The following ASB14 variants were observed in gnomAD, a reference collection of about 807,000 sequenced individuals.
The protein encoded by ASB14 is ankyrin repeat and SOCS box containing 14, also known as ankyrin repeat and SOCS box protein 14.
Under a neutral mutation model 55.6 loss-of-function variants are expected in ASB14, and 63 were observed. The ratio of observed to expected loss-of-function variants is 1.13; its 90% CI spans 0.92 to 1.40. ASB14 has a LOEUF of 1.40. Ranked by LOEUF, ASB14 falls within the 40% of genes most tolerant of loss-of-function variation. The pLI, the probability that ASB14 is intolerant of heterozygous loss-of-function variation, is 0.00. For synonymous variants in ASB14, 256 were observed against 259.9 expected (o/e 0.98, Z 0.15); for missense variants, 724 against 710.4 (o/e 1.02, Z -0.22).
In ASB14 at chr3:57,268,434, A is replaced by G. The variant is rs1403451450; in HGVS notation, c.*1207T>C. 14 of 1,601,520 alleles carry G rather than the reference A, an allele frequency of 8.7e-6. No individual in the cohort carries two copies. The highest frequency in any genetic ancestry group is 1.0e-5 in the Non-Finnish European group (12 of 1,172,828). Reference sequence around the variant, plus strand: ...ATCAGAAAAACAAAAAGAAATAGAGAGAGTAAAAGAGAAGCAACAGAAAGA... The same window carrying G: ...ATCAGAAAAACAAAAAGAAATAGAGGGAGTAAAAGAGAAGCAACAGAAAGA... On this transcript the variant is annotated 3_prime_UTR_variant, in exon 11 of 11. Coordinates refer to ENST00000487349, the MANE Select transcript of ASB14 (RefSeq NM_001142733.3).
intron 2 of ASB14, among the ~76,000 whole-genome samples, chr3:57,291,392 C>A (rs1399055036): frequency 5.4e-5 from 6 of 111,570 alleles, no homozygotes; most frequent in African/African-American, 2.1e-4. Flanking sequence ...ATTCTTCTTA[C>A]ACCCCACACA....
Position 57,278,041 on chromosome 3 carries a change from A to T in ASB14, c.1432-121T>A, listed in dbSNP as rs1313846396. On this transcript the variant is annotated intron_variant, in intron 8 of 10. Transcript: ENST00000487349. ...GCCAAGAGAGAAAAATGTCTCAAAA[A>T]TGGGAAGGGATGGTAGTGGTCAACT... The T allele has an allele frequency of 3.6e-6, 3 of 828,336 alleles. No homozygotes were observed. In the Admixed American group the frequency reaches 8.9e-5, roughly 25 times the overall value. 51.3% of individuals were successfully genotyped at this position (828,336 alleles called of 1,614,324 possible).
chr3:57,284,278 C>T (rs567746762), intron 5 of ASB14, among the ~76,000 whole-genome samples: 1 of 152,178 alleles, frequency 6.6e-6, no homozygotes, highest in South Asian at 2.1e-4. Context: ...AGGCATATGC[C>T]ACCATGCCTG....
In ASB14 at chr3:57,269,273, T is replaced by G; in HGVS notation, c.*368A>C. On this transcript the variant is annotated 3_prime_UTR_variant, in exon 11 of 11. Transcript: ENST00000487349. ...ACTATAATATATAGTGAGAGATGAT[T>G]GATGATGGGCTTTATTTGGTTGTTG... is the stretch of plus-strand genomic sequence containing the variant. 1 of 338,502 alleles carries G rather than the reference T, an allele frequency of 3.0e-6. No homozygotes were observed. The highest frequency in any genetic ancestry group is 5.4e-6 in the Non-Finnish European group (1 of 184,788). The allele number at this position is 338,502 out of a possible 1,614,324, so 21.0% of individuals were successfully genotyped here. A position where few individuals can be genotyped will look rare whatever the true frequency, so the allele number is the denominator to read the frequency against.
At position 57,291,969 on chromosome 3, in the gene ASB14, T is replaced by C. The variant is rs987646152; in HGVS notation, c.65A>G (p.Gln22Arg). The part of the protein sequence containing the change: ...EDFDTQLIIQ[Q>R]SLQDIYKPGT... ...TGGCTTATAAATATCCTGCAAACTCTGTTGAATGATGAGCTGGGTGTCAAA... is the reference window on the plus strand; with the variant it reads ...TGGCTTATAAATATCCTGCAAACTCCGTTGAATGATGAGCTGGGTGTCAAA... The change falls in exon 2 of 11, where the codon CAG becomes CGG. Residue 22 changes from glutamine (Q) to arginine (R), a missense_variant. Physicochemically the swap from Gln to Arg is conservative, Grantham distance 43. Transcript: ENST00000487349. The C allele has an allele frequency of 3.9e-6, 6 of 1,536,040 alleles. No individual in the cohort carries two copies. Among genetic ancestry groups the C allele is most frequent in the Non-Finnish European group, 5.2e-6 (6 of 1,145,766 alleles).
intron 2 of ASB14, among the ~76,000 whole-genome samples, chr3:57,291,414 G>C (rs2061127173): frequency 6.6e-6 from 1 of 152,016 alleles, no homozygotes; most frequent in African/African-American, 2.4e-5. Context: ...GGTCCCACTG[G>C]TCCTTTTTCA....
At chr3:57,290,000 G>C (rs187350000) in intron 2 of ASB14, among the ~76,000 whole-genome samples, 168 of 151,940 alleles carry the variant, frequency 1.1e-3, no homozygotes, top group African/African-American at 3.8e-3. Flanking sequence ...AAATTCCCTC[G>C]GACACTCTGT....
chr3:57,277,815 C>T lies in ASB14; in HGVS notation c.1537G>A (p.Ala513Thr), dbSNP rs2061002281. 6.2e-7 allele frequency: 1 copy of T among 1,613,548 alleles called. No individual in the cohort carries two copies. Among genetic ancestry groups the T allele is most frequent in the East Asian group, 2.2e-5 (1 of 44,852 alleles). ...DQVRICSKLK[A>T]VLQKQGIWSE... ...CAGATCCCCTGTTTTTGGAGCACAG[C>T]TTTCAACTTTGAACAGATCCGAACT... Residue 513 changes from alanine (A) to threonine (T), a missense_variant, in exon 9 of 11, where the codon GCT (alanine) becomes ACT (threonine). Transcript: ENST00000487349.
At chr3:57,287,842 TG>T (rs1176435000) in intron 5 of ASB14, 58 bp downstream of exon 5, 1 of 1,502,658 alleles carries the variant, frequency 6.7e-7, no homozygotes, top group Non-Finnish European at 8.9e-7. Flanking sequence ...CTTTGAAACC[TG>T]GGGGCATGAA....
intron 2 of ASB14, among the ~76,000 whole-genome samples, chr3:57,289,754 G>A (rs2107630672): frequency 7.0e-6 from 1 of 143,386 alleles, no homozygotes; most frequent in South Asian, 2.2e-4. Flanking sequence ...GTGCAGTGGT[G>A]CGATCTCAGC....
intron 10 of ASB14, among the ~76,000 whole-genome samples, chr3:57,275,021 G>GACTT (rs978377094): frequency 3.9e-5 from 6 of 152,202 alleles, no homozygotes; most frequent in Non-Finnish European, 8.8e-5. Flanking sequence ...CTGGTATTGG[G>GACTT]ACTTTCCCAC....
At chr3:57,279,035 ACC>A in intron 7 of ASB14, 115 bp from the exon 8 acceptor site, 1 of 959,736 alleles carries the variant, frequency 1.0e-6, no homozygotes. Context: ...GGCATTTAGA[ACC>A]CACAACCAAA....
At chr3:57,291,857 T>G (rs1190305742) in intron 2 of ASB14, 55 bp downstream of exon 2, 1 of 1,418,840 alleles carries the variant, frequency 7.0e-7, no homozygotes, top group Non-Finnish European at 9.5e-7. Flanking sequence ...TAATGACAAG[T>G]GTCAGCTGTT....
chr3:57,277,298 C>T (rs1384904137), intron 9 of ASB14, among the ~76,000 whole-genome samples: 1 of 151,944 alleles, frequency 6.6e-6, no homozygotes, highest in Non-Finnish European at 1.5e-5. Context: ...GTTTTAGCCC[C>T]CTCAGGGACA....
chr3:57,287,925 C>A lies in ASB14; in HGVS notation c.445G>T (p.Glu149Ter), dbSNP rs376274765. 1.2e-4 allele frequency: 185 copies of A among 1,537,178 alleles called. 1 individual carries two copies. Among genetic ancestry groups the A allele is most frequent in the South Asian group, 8.6e-4 (72 of 84,050 alleles). Residue 149 changes from glutamate (E) to a stop codon, truncating the protein, a stop_gained, in exon 5 of 11, where the codon GAA (glutamate) becomes TAA (stop). Coordinates refer to ENST00000487349, the MANE Select transcript of ASB14 (RefSeq NM_001142733.3). LOFTEE classifies it high-confidence loss of function. ...CCTGCAAGAAGAGGAGAATTGCCTT[C>A]GAAATTCTTAGCATTTGGATTGCAG... The part of the protein sequence containing the change: ...NGCNPNAKNF[E>*]GNSPLLAAVL...
Position 57,292,013 on chromosome 3 carries a change from A to G in ASB14, c.21T>C (p.Asp7=). The change falls in exon 2 of 11, where the codon GAT becomes GAC. Residue 7 remains aspartate, a synonymous_variant. Transcript: ENST00000487349. ...TGTCAAAGTCTTCATCTATGTCTTC[A>G]TCGCTGGTGTAATTATCCATGTGAA... MDNYTS[D]EDIDEDFDTQ... 6.5e-7 allele frequency: 1 copy of G among 1,533,702 alleles called. No homozygotes were observed. Among genetic ancestry groups the G allele is most frequent in the South Asian group, 1.2e-5 (1 of 83,964 alleles).
At position 57,280,329 on chromosome 3, in the gene ASB14, T is replaced by C; in HGVS notation, c.860A>G (p.His287Arg). Residue 287 changes from histidine to arginine, a missense_variant, in exon 7 of 11, where the codon CAT becomes CGT. Coordinates refer to ENST00000487349, the MANE Select transcript of ASB14 (RefSeq NM_001142733.3). ...TAAGTGGCCCCTGTCAGCTGCCACA[T>C]GGATGGGCAGGTGGCCTGAATTCTT... ...IPKNSGHLPI[H>R]VAADRGHLLA... 1 of 1,550,396 alleles carries C rather than the reference T, an allele frequency of 6.4e-7. No homozygotes were observed. Among genetic ancestry groups the C allele is most frequent in the South Asian group, 1.2e-5 (1 of 83,916 alleles).
chr3:57,289,547 A>T (rs2061111639), intron 2 of ASB14, among the ~76,000 whole-genome samples: 1 of 152,192 alleles, frequency 6.6e-6, no homozygotes. Context: ...TGGTGTCAGT[A>T]TTAAAAAATA....
chr3:57,269,699 T>G lies in ASB14; in HGVS notation c.*23-81A>C, dbSNP rs200910570. 2.1e-5 allele frequency: 34 copies of G among 1,613,182 alleles called. No individual in the cohort carries two copies. The East Asian group carries it at 6.9e-4, about 33-fold the overall frequency. ...AATCAGAAGCATAAGCTTATACTTT[T>G]GGTAGATATTCCCCCTTGGAATTTG... On this transcript the variant is annotated intron_variant, in intron 10 of 10. Coordinates refer to ENST00000487349, the MANE Select transcript of ASB14 (RefSeq NM_001142733.3).
Sources: allele counts gnomAD v4.1 joint callset (sites outside exome capture counted in the v4.1 genomes callset), GRCh38; gene constraint gnomAD v4.1.1; transcripts MANE v1.5; gene names NCBI Gene and HGNC (gene_info 2026-07-23, HGNC 2026-07-21).